The following TPP2 variants were observed in gnomAD, a reference collection of about 807,000 sequenced individuals.
TPP2 encodes the protein tripeptidyl-peptidase 2.
A neutral mutation model predicts 155.9 loss-of-function variants in TPP2; 34 were observed. The observed-to-expected ratio is 0.22, with a 90% CI of 0.17 to 0.29. The LOEUF (loss-of-function observed/expected upper bound fraction) is 0.29. Among genes scored for constraint, TPP2 ranks in the 10% least tolerant of loss-of-function variants. The pLI is 1.00. For missense variants in TPP2, 1,028 were observed against 1,522.3 expected (o/e 0.68, Z 5.40); for synonymous variants, 510 against 529.4 (o/e 0.96, Z 0.50).
chr13:102,676,519 T>C (rs1595231274), intron 29 of TPP2, 104 bp downstream of exon 29: 1 of 1,351,514 alleles, frequency 7.4e-7, no homozygotes, highest in African/African-American at 1.5e-5. Flanking sequence ...ACTGGTTTTA[T>C]TGTGACCAGT....
chr13:102,608,597 T>G (rs1212563533), intron 2 of TPP2, among the ~76,000 whole-genome samples: 1 of 152,170 alleles, frequency 6.6e-6, no homozygotes, highest in Non-Finnish European at 1.5e-5. Context: ...ATTTTGCCTA[T>G]TTTTAATTGC....
intron 25 of TPP2, among the ~76,000 whole-genome samples, chr13:102,658,873 C>T (rs1327601612): frequency 6.8e-6 from 1 of 146,706 alleles, no homozygotes; most frequent in East Asian, 1.9e-4. Flanking sequence ...GAGGTAGGGG[C>T]TCTCTTGTAA....
intron 27 of TPP2, among the ~76,000 whole-genome samples, chr13:102,668,063 A>G (rs1884723200): frequency 6.6e-6 from 1 of 152,258 alleles, no homozygotes; most frequent in Non-Finnish European, 1.5e-5. Context: ...GCAGTCCTGC[A>G]CATGAATGAT....
At chr13:102,605,389 A>T (rs1307796906) in intron 2 of TPP2, among the ~76,000 whole-genome samples, 1 of 152,202 alleles carries the variant, frequency 6.6e-6, no homozygotes, top group African/African-American at 2.4e-5. Flanking sequence ...TCACTTGACT[A>T]TATTGAGCTC....
At chr13:102,662,764 G>T (rs1490895766) in intron 25 of TPP2, among the ~76,000 whole-genome samples, 1 of 152,062 alleles carries the variant, frequency 6.6e-6, no homozygotes, top group African/African-American at 2.4e-5. Context: ...TGACTTTAAT[G>T]TAAGTTACCC....
At chr13:102,668,561 G>A (rs1884757590) in intron 27 of TPP2, among the ~76,000 whole-genome samples, 1 of 152,186 alleles carries the variant, frequency 6.6e-6, no homozygotes, top group Non-Finnish European at 1.5e-5. Context: ...AGTCCAATGT[G>A]TGCTGTTACT....
intron 27 of TPP2, among the ~76,000 whole-genome samples, chr13:102,671,307 C>G (rs1884967367): frequency 6.6e-6 from 1 of 152,122 alleles, no homozygotes; most frequent in African/African-American, 2.4e-5. Context: ...ATTTGCCAGA[C>G]TTTTTGGGAA....
rs1234945482 is a variant in TPP2 at position 102,629,478 on chromosome 13, TCAGGAGAA to T, written c.1017-3_1021del. 6.7e-7 allele frequency: 1 copy of T among 1,487,682 alleles called. No individual in the cohort carries two copies. Among genetic ancestry groups the T allele is most frequent in the Middle Eastern group, 1.8e-4 (1 of 5,548 alleles). The allele number at this position is 1,487,682 out of a possible 1,614,324, so 92.2% of individuals were successfully genotyped here. ...TATGTTCAAAGGAATTCTCTCTTTT[TCAGGAGAA>T]TTTGTGAAGTAATTAATGAAGCAGT... On this transcript the variant is annotated splice_acceptor_variant and splice_polypyrimidine_tract_variant and coding_sequence_variant and intron_variant, in exon 9 of 30. Transcript: ENST00000376052. LOFTEE classifies it high-confidence loss of function.
intron 1 of TPP2, among the ~76,000 whole-genome samples, chr13:102,601,872 C>A (rs1879455757): frequency 1.3e-5 from 2 of 152,118 alleles, no homozygotes; most frequent in Non-Finnish European, 2.9e-5. Flanking sequence ...AGGATAATTG[C>A]ATGTATAATA....
chr13:102,618,380 T>G (rs1035178326), intron 4 of TPP2, among the ~76,000 whole-genome samples: 1 of 152,258 alleles, frequency 6.6e-6, no homozygotes, highest in African/African-American at 2.4e-5. Context: ...TTAGAGTTGC[T>G]TTTGGAAATA....
In TPP2 at chr13:102,637,256, A is replaced by G; in HGVS notation, c.1836+17A>G. Reference sequence around the variant, plus strand: ...TATACAGAGGTATTGATGTATCTTCATTTTTACTTTCTTCACTCTTTAAAA... The same window carrying G: ...TATACAGAGGTATTGATGTATCTTCGTTTTTACTTTCTTCACTCTTTAAAA... On this transcript the variant is annotated intron_variant, in intron 14 of 29. Transcript: ENST00000376052. The G allele has an allele frequency of 6.4e-7, 1 of 1,572,224 alleles. No individual in the cohort carries two copies. The highest frequency in any genetic ancestry group is 1.2e-5 in the South Asian group (1 of 83,694).
At chr13:102,624,740 T>C (rs180889913) in intron 6 of TPP2, among the ~76,000 whole-genome samples, 131 of 152,282 alleles carry the variant, frequency 8.6e-4, no homozygotes, top group Middle Eastern at 6.8e-3. Context: ...TTCCCATTGA[T>C]GGACGTTTAG....
chr13:102,619,767 A>G (rs1339886311), intron 5 of TPP2, among the ~76,000 whole-genome samples: 1 of 152,234 alleles, frequency 6.6e-6, no homozygotes, highest in Admixed American at 6.5e-5. Context: ...TAGATATTAA[A>G]TATTAATGCA....
chr13:102,677,937 A>G (rs1045947148), intron 29 of TPP2, among the ~76,000 whole-genome samples: 3 of 152,186 alleles, frequency 2.0e-5, no homozygotes, highest in African/African-American at 7.2e-5. Context: ...GGAAAGGAAC[A>G]AGTAAGTTGG....
chr13:102,634,105 G>A lies in TPP2; in HGVS notation c.1393+7G>A, dbSNP rs200827691. 1.5e-5 allele frequency: 25 copies of A among 1,613,888 alleles called. No individual in the cohort carries two copies. The highest frequency in any genetic ancestry group is 4.5e-5 in the East Asian group (2 of 44,874). On this transcript the variant is annotated splice_region_variant and intron_variant, in intron 11 of 29. Coordinates refer to ENST00000376052, the MANE Select transcript of TPP2 (RefSeq NM_001330588.2). Reference sequence around the variant, plus strand: ...ATTGCCCTGATCCTTTCAGGTAAGCGTGTTCTTTATTGTCCTTACATTATT... The same window carrying A: ...ATTGCCCTGATCCTTTCAGGTAAGCATGTTCTTTATTGTCCTTACATTATT...
At chr13:102,633,193 G>T (rs999620944) in intron 10 of TPP2, among the ~76,000 whole-genome samples, 1 of 152,158 alleles carries the variant, frequency 6.6e-6, no homozygotes, top group African/African-American at 2.4e-5. Flanking sequence ...TTTGTTGGAT[G>T]ATAATGTGGT....
chr13:102,678,449 AT>A lies in TPP2; in HGVS notation c.*136del. 1.4e-6 allele frequency: 1 copy of A among 692,894 alleles called. No individual in the cohort carries two copies. Among genetic ancestry groups the A allele is most frequent in the South Asian group, 2.1e-5 (1 of 48,220 alleles). The allele number at this position is 692,894 out of a possible 1,614,324, so 42.9% of individuals were successfully genotyped here. A position where few individuals can be genotyped will look rare whatever the true frequency, so the allele number is the denominator to read the frequency against. ...AGTACTGATTATTAAAATGACATGT[AT>A]TTATCAGAGAATTCACTGACGTGTG... On this transcript the variant is annotated 3_prime_UTR_variant, in exon 30 of 30. Transcript: ENST00000376052.
chr13:102,627,946 T>C (rs1427581255), intron 8 of TPP2, 22 bp downstream of exon 8: 1 of 1,592,888 alleles, frequency 6.3e-7, no homozygotes, highest in Non-Finnish European at 8.6e-7. Context: ...TTGACAGTTG[T>C]TTAGCCATAG....
chr13:102,645,145 C>A (rs1883021474), intron 19 of TPP2, 136 bp downstream of exon 19: 8 of 782,508 alleles, frequency 1.0e-5, no homozygotes. Flanking sequence ...GCCAGCAGAT[C>A]TCTGCAAGGC....
Sources: gnomAD v4.1 joint callset for allele counts (sites outside exome capture counted in the v4.1 genomes callset) on GRCh38, gnomAD v4.1.1 for gene constraint, MANE v1.5 for transcripts, NCBI Gene and HGNC (gene_info 2026-07-23, HGNC 2026-07-21) for gene names.